Variants in ADGRE2 observed in about 807,000 individuals in gnomAD.
The protein encoded by ADGRE2 is CD97 antigen.
A neutral mutation model predicts 100.8 loss-of-function variants in ADGRE2; 83 were observed. That is an observed-to-expected ratio of 0.82 (90% CI 0.69 to 0.99). ADGRE2 has a LOEUF of 0.99. Ranked by LOEUF, ADGRE2 falls within the 50% of genes least tolerant of loss-of-function variation. The probability of loss-of-function intolerance (pLI) is 0.00; values close to 1 mark genes in which losing one functional copy is unlikely to be tolerated. For missense variants in ADGRE2, 814 were observed against 1,035.7 expected, an observed-to-expected ratio of 0.79 and a Z score of 2.94; for synonymous variants, 355 against 413.0, an observed-to-expected ratio of 0.86 and a Z score of 1.70.
At chr19:14,753,071 A>AT (rs1231440254) in intron 14 of ADGRE2, among the ~76,000 whole-genome samples, 14 of 126,946 alleles carry the variant, frequency 1.1e-4, no homozygotes, top group Middle Eastern at 8.7e-3. Context: ...CACCCGTCCT[A>AT]ATTTTTTTTT....
downstream of ADGRE2, among the ~76,000 whole-genome samples, chr19:14,730,690 G>T (rs146340787): frequency 1.6e-4 from 25 of 152,030 alleles, no homozygotes; most frequent in African/African-American, 5.8e-4. Context: ...AGATTCTGAG[G>T]GTACACGTTT....
chr19:14,766,569 A>G (rs539473526), intron 6 of ADGRE2, among the ~76,000 whole-genome samples, 188 bp from the exon 7 acceptor site: 2 of 152,344 alleles, frequency 1.3e-5, no homozygotes, highest in Admixed American at 6.5e-5. Context: ...AGATGGGCAC[A>G]GCAGGGACCA....
the ADGRE2 span, among the ~76,000 whole-genome samples, chr19:14,725,279 C>T: frequency 8.5e-3 from 1,301 of 152,236 alleles, 14 homozygotes; most frequent in Non-Finnish European, 0.014. Context: ...CCCCATGATC[C>T]GAATACGTCC....
chr19:14,748,429 C>A (rs1223437684), intron 16 of ADGRE2, among the ~76,000 whole-genome samples: 2 of 152,174 alleles, frequency 1.3e-5, no homozygotes, highest in African/African-American at 4.8e-5. Context: ...GTGCCTCAGC[C>A]TCCCAAGTAG....
chr19:14,755,048 C>T lies in ADGRE2; in HGVS notation c.1496G>A (p.Gly499Asp). 2 of 1,614,080 alleles carry T rather than the reference C, an allele frequency of 1.2e-6. No homozygotes were observed. The highest frequency in any genetic ancestry group is 8.5e-7 in the Non-Finnish European group (1 of 1,180,012). ...GTCTCTGGTGCCTATTGTGCTGCAGCCTGTGGTGGCCCAGTGACCACATCC... is the reference window on the plus strand; with the variant it reads ...GTCTCTGGTGCCTATTGTGCTGCAGTCTGTGGTGGCCCAGTGACCACATCC... The part of the protein sequence containing the change: ...QNGCGHWATT[G>D]CSTIGTRDTS... Residue 499 changes from glycine (G) to aspartate (D), a missense_variant, in exon 14 of 21, where the codon GGC becomes GAC. Physicochemically the swap from Gly to Asp is moderately conservative, Grantham distance 94 (BLOSUM62 -1). This residue lies in a region of ADGRE2 where 569 missense variants were observed against 692.7 expected (regional missense o/e 0.82). Transcript: ENST00000315576.
At chr19:14,769,701 T>G (rs941474341) in intron 5 of ADGRE2, among the ~76,000 whole-genome samples, 1 of 152,240 alleles carries the variant, frequency 6.6e-6, no homozygotes, top group East Asian at 1.9e-4. Flanking sequence ...TCTCTCCTTT[T>G]CTTTTCTTTT....
At chr19:14,742,428 C>T (rs574760137) in intron 20 of ADGRE2, among the ~76,000 whole-genome samples, 8 of 152,230 alleles carry the variant, frequency 5.3e-5, no homozygotes, top group African/African-American at 1.7e-4. Context: ...GACGAGGTGT[C>T]ACTGGGTTGC....
chr19:14,767,320 C>T (rs140599119), intron 5 of ADGRE2, among the ~76,000 whole-genome samples: 2 of 151,684 alleles, frequency 1.3e-5, no homozygotes, highest in Non-Finnish European at 2.9e-5. Flanking sequence ...CTCACTGCAA[C>T]CTCCGCCTCC....
downstream of ADGRE2, among the ~76,000 whole-genome samples, chr19:14,728,221 A>T (rs999333958): frequency 5.3e-5 from 8 of 151,702 alleles, no homozygotes; most frequent in Admixed American, 3.3e-4. Flanking sequence ...TCAAAAAAAA[A>T]TTTTTTTTTC....
At chr19:14,740,087 C>T (rs978435132) in intron 20 of ADGRE2, among the ~76,000 whole-genome samples, 3 of 143,126 alleles carry the variant, frequency 2.1e-5, no homozygotes, top group African/African-American at 8.0e-5. Context: ...GGTGACAGAG[C>T]GAGTGAGACT....
At chr19:14,748,673 T>C (rs989068318) in intron 16 of ADGRE2, among the ~76,000 whole-genome samples, 8 of 152,200 alleles carry the variant, frequency 5.3e-5, no homozygotes, top group South Asian at 2.1e-4. Flanking sequence ...TCATTTGTTT[T>C]GGGTATATAC....
chr19:14,727,466 T>A (rs1476100938), downstream of ADGRE2, among the ~76,000 whole-genome samples: 4 of 152,100 alleles, frequency 2.6e-5, no homozygotes, highest in African/African-American at 9.7e-5. Context: ...CATCACATAG[T>A]GAGACCAGGA....
At chr19:14,743,858 G>A in intron 18 of ADGRE2, 74 bp from the exon 19 acceptor site, 1 of 1,375,166 alleles carries the variant, frequency 7.3e-7, no homozygotes. Context: ...CTGTGCCCAT[G>A]GAGTCCCCTG....
intron 4 of ADGRE2, 76 bp from the exon 5 acceptor site, chr19:14,772,573 C>T (rs2044251474): frequency 6.5e-7 from 1 of 1,544,546 alleles, no homozygotes; most frequent in Admixed American, 1.8e-5. Flanking sequence ...GTCCTGACTC[C>T]CCAACATGGG....
At position 14,752,316 on chromosome 19, in the gene ADGRE2, C is replaced by G; in HGVS notation, c.1788+13G>C. On this transcript the variant is annotated intron_variant, in intron 15 of 20. Coordinates refer to ENST00000315576, the MANE Select transcript of ADGRE2 (RefSeq NM_013447.4). Reference sequence around the variant, plus strand: ...TCAAGGAAGGGAGCCCTCTGGAACACCGCTGTCAATACCTTGTGTCCGGTT... The same window carrying G: ...TCAAGGAAGGGAGCCCTCTGGAACAGCGCTGTCAATACCTTGTGTCCGGTT... The G allele has an allele frequency of 1.2e-6, 2 of 1,613,946 alleles. No individual in the cohort carries two copies. The highest frequency in any genetic ancestry group is 1.7e-6 in the Non-Finnish European group (2 of 1,179,884).
intron 1 of ADGRE2, among the ~76,000 whole-genome samples, chr19:14,777,962 CAT>C (rs1246079592): frequency 1.4e-4 from 22 of 152,276 alleles, no homozygotes; most frequent in African/African-American, 5.3e-4. Context: ...CATACATGTG[CAT>C]ATGTCTTTAT....
chr19:14,770,587 T>C lies in ADGRE2; in HGVS notation c.355+1755A>G, dbSNP rs140530796. 1.9e-3 allele frequency among the ~76,000 whole-genome samples: 284 copies of C among 151,980 alleles called. 1 individual carries two copies. Among genetic ancestry groups the C allele is most frequent in the African/African-American group, 6.2e-3 (258 of 41,486 alleles). Reference sequence around the variant, plus strand: ...AGGCGGTGAGCAGAGGCTGAAAACCTCTCCATTCCCCAAATGGGGCTGTGT... The same window carrying C: ...AGGCGGTGAGCAGAGGCTGAAAACCCCTCCATTCCCCAAATGGGGCTGTGT... On this transcript the variant is annotated intron_variant, in intron 5 of 20. Coordinates refer to ENST00000315576, the MANE Select transcript of ADGRE2 (RefSeq NM_013447.4).
intron 5 of ADGRE2, among the ~76,000 whole-genome samples, chr19:14,771,626 T>TTATTTATTTA (rs1268596860): frequency 2.9e-4 from 39 of 133,166 alleles, no homozygotes; most frequent in African/African-American, 1.2e-3. Flanking sequence ...CATTGCTTAT[T>TTATTTATTTA]TATTTATTTA....
At chr19:14,750,367 T>C (rs2043246692) in intron 16 of ADGRE2, among the ~76,000 whole-genome samples, 1 of 151,868 alleles carries the variant, frequency 6.6e-6, no homozygotes, top group Non-Finnish European at 1.5e-5. Context: ...TCAAACACTC[T>C]TTCTTCATCA....
Sources: gnomAD v4.1 joint callset for allele counts (sites outside exome capture counted in the v4.1 genomes callset) on GRCh38, gnomAD v4.1.1 for gene constraint, gnomAD v4.1.1 regional missense constraint, MANE v1.5 for transcripts, NCBI Gene and HGNC (gene_info 2026-07-23, HGNC 2026-07-21) for gene names.